NPFFR2: variants seen among roughly 807,000 people sequenced by gnomAD.
NPFFR2 encodes G-protein coupled receptor 74.
NPFFR2 carries 15 observed loss-of-function variants against 13.1 expected under a neutral mutation model. That is an observed-to-expected ratio of 1.15 (90% CI 0.77 to 1.76). The LOEUF (loss-of-function observed/expected upper bound fraction) is 1.76. NPFFR2 is among the 40% of genes most tolerant of loss of function. The pLI is 0.00. For missense variants in NPFFR2, 572 were observed against 503.5 expected, an observed-to-expected ratio of 1.14 and a Z score of -1.30; for synonymous variants, 190 against 175.7, an observed-to-expected ratio of 1.08 and a Z score of -0.65.
intron 1 of NPFFR2, among the ~76,000 whole-genome samples, chr4:72,124,202 C>G (rs1048881607): frequency 2.2e-4 from 34 of 152,128 alleles, no homozygotes; most frequent in African/African-American, 6.8e-4. Flanking sequence ...ATACAACTTA[C>G]AAGGTATGTG....
At chr4:72,034,228 T>G (rs1578413061) in intron 1 of NPFFR2, among the ~76,000 whole-genome samples, 1 of 152,330 alleles carries the variant, frequency 6.6e-6, no homozygotes, top group East Asian at 1.9e-4. Context: ...ATTAGTCTAT[T>G]CTCATGCTGC....
chr4:72,046,433 C>T (rs530788307), intron 1 of NPFFR2, among the ~76,000 whole-genome samples: 1 of 152,256 alleles, frequency 6.6e-6, no homozygotes, highest in South Asian at 2.1e-4. Flanking sequence ...CTCTCTGTCT[C>T]ACATGCTTGC....
chr4:72,138,772 T>C (rs1044840090), intron 3 of NPFFR2, among the ~76,000 whole-genome samples: 1 of 152,216 alleles, frequency 6.6e-6, no homozygotes, highest in Non-Finnish European at 1.5e-5. Context: ...TTTGGGTATA[T>C]ACCTAGTAAT....
chr4:72,080,266 G>A (rs956993556), intron 1 of NPFFR2, among the ~76,000 whole-genome samples: 6 of 151,936 alleles, frequency 3.9e-5, no homozygotes, highest in African/African-American at 1.4e-4. Flanking sequence ...CCGGGTTCAA[G>A]AAATTCTCCT....
At chr4:72,033,144 C>T (rs1718968738) in intron 1 of NPFFR2, among the ~76,000 whole-genome samples, 1 of 152,104 alleles carries the variant, frequency 6.6e-6, no homozygotes, top group African/African-American at 2.4e-5. Flanking sequence ...CTGTGAAGGA[C>T]ATATTTTTGT....
At position 72,147,428 on chromosome 4, in the gene NPFFR2, A is replaced by C. The variant is rs767608940; in HGVS notation, c.879A>C (p.Leu293=). ...FILSWLPLWT[L]MMLSDYADLS... is the part of the protein sequence containing the mutation. ...TCTCATGGCTGCCCCTGTGGACTCTAATGATGCTCTCAGACTACGCTGACC... is the reference window on the plus strand; with the variant it reads ...TCTCATGGCTGCCCCTGTGGACTCTCATGATGCTCTCAGACTACGCTGACC... The change falls in exon 4 of 4, where the codon CTA becomes CTC. Residue 293 remains leucine (L), a synonymous_variant. Coordinates refer to ENST00000308744, the MANE Select transcript of NPFFR2 (RefSeq NM_004885.3). 2 of 1,613,984 alleles carry C rather than the reference A, an allele frequency of 1.2e-6. No individual in the cohort carries two copies. The highest frequency in any genetic ancestry group is 1.7e-6 in the Non-Finnish European group (2 of 1,180,014).
intron 3 of NPFFR2, among the ~76,000 whole-genome samples, chr4:72,140,159 T>A (rs1722556976): frequency 6.6e-6 from 1 of 152,206 alleles, no homozygotes; most frequent in Non-Finnish European, 1.5e-5. Context: ...GATTTTGGGC[T>A]GAGATTATGG....
intron 1 of NPFFR2, among the ~76,000 whole-genome samples, chr4:72,096,086 C>T (rs1346256173): frequency 6.6e-6 from 1 of 152,168 alleles, no homozygotes; most frequent in Admixed American, 6.6e-5. Context: ...AATATAAAGT[C>T]TTTTTTCAAA....
rs557884916 is a variant in NPFFR2 at position 72,122,063 on chromosome 4, C to A, written c.-7-6522C>A. The stretch of plus-strand genomic sequence containing the variant: ...AATAAAGGGATGGAGGAATATTTAC[C>A]AGGCAAATGAAAAGCAAAAAAAAAA... On this transcript the variant is annotated intron_variant, in intron 1 of 3. Coordinates refer to ENST00000308744, the MANE Select transcript of NPFFR2 (RefSeq NM_004885.3). Among the ~76,000 whole-genome samples the A allele has an allele frequency of 3.0e-3, 447 of 150,850 alleles. 2 individuals carry two copies. The highest frequency in any genetic ancestry group is 0.011 in the African/African-American group (439 of 40,990).
intron 1 of NPFFR2, among the ~76,000 whole-genome samples, chr4:72,032,671 A>C (rs1027559483): frequency 1.3e-5 from 2 of 152,234 alleles, no homozygotes; most frequent in African/African-American, 4.8e-5. Context: ...AGCTGCGTAC[A>C]GGACACCAGA....
intron 2 of NPFFR2, among the ~76,000 whole-genome samples, chr4:72,129,768 C>A (rs1486342329): frequency 7.6e-5 from 1 of 13,242 alleles, no homozygotes; most frequent in Non-Finnish European, 1.5e-4. Context: ...CAGCACAGAC[C>A]CTTTACGGGT....
At chr4:72,040,520 G>T (rs897556914) in intron 1 of NPFFR2, among the ~76,000 whole-genome samples, 5 of 152,038 alleles carry the variant, frequency 3.3e-5, no homozygotes, top group African/African-American at 1.2e-4. Context: ...AAATTGCTTT[G>T]ATTATATTTG....
At chr4:72,121,066 G>A (rs748489012) in intron 1 of NPFFR2, among the ~76,000 whole-genome samples, 37 of 151,884 alleles carry the variant, frequency 2.4e-4, no homozygotes, top group African/African-American at 3.4e-4. Flanking sequence ...ATGACCTGAC[G>A]GAGCTGAAAA....
At chr4:72,095,305 T>C (rs1292631655) in intron 1 of NPFFR2, among the ~76,000 whole-genome samples, 1 of 152,186 alleles carries the variant, frequency 6.6e-6, no homozygotes, top group African/African-American at 2.4e-5. Flanking sequence ...GTCCCAGCTC[T>C]GTACCCAGGG....
intron 1 of NPFFR2, among the ~76,000 whole-genome samples, chr4:72,033,629 C>T (rs1180210817): frequency 6.6e-6 from 1 of 152,040 alleles, no homozygotes; most frequent in East Asian, 1.9e-4. Flanking sequence ...CTTATTTTTG[C>T]TTCATCTATC....
At chr4:72,122,855 G>A (rs1168651284) in intron 1 of NPFFR2, among the ~76,000 whole-genome samples, 1 of 152,106 alleles carries the variant, frequency 6.6e-6, no homozygotes, top group African/African-American at 2.4e-5. Context: ...AGAGAAGCAA[G>A]AGCAAACAAA....
In NPFFR2 at chr4:72,102,377, A is replaced by AATTTTT. The variant is rs541523672; in HGVS notation, c.-7-26205_-7-26204insTTTATT. Reference sequence around the variant, plus strand: ...AATATACAGGATGTATGAATGAGGAAATTATTATTATTATTATACTTTAAG... The same window carrying AATTTTT: ...AATATACAGGATGTATGAATGAGGAAATTTTTATTATTATTATTATTATACTTTAAG... On this transcript the variant is annotated intron_variant, in intron 1 of 3. Coordinates refer to ENST00000308744, the MANE Select transcript of NPFFR2 (RefSeq NM_004885.3). Among the ~76,000 whole-genome samples, 696 of 151,910 alleles carry AATTTTT rather than the reference A, an allele frequency of 4.6e-3. 3 individuals are homozygous for AATTTTT. The highest frequency in any genetic ancestry group is 0.016 in the African/African-American group (666 of 41,458).
At chr4:72,056,788 G>A (rs1463857274) in intron 1 of NPFFR2, among the ~76,000 whole-genome samples, 1 of 151,990 alleles carries the variant, frequency 6.6e-6, no homozygotes, top group Non-Finnish European at 1.5e-5. Flanking sequence ...GACTTCAGTG[G>A]AGGAAGTAAC....
intron 1 of NPFFR2, among the ~76,000 whole-genome samples, chr4:72,044,315 G>A (rs1177867908): frequency 1.3e-5 from 2 of 152,126 alleles, no homozygotes; most frequent in African/African-American, 4.8e-5. Context: ...TTGTCTTCCA[G>A]GATTTTTATA....
Sources: gnomAD v4.1 joint callset for allele counts (sites outside exome capture counted in the v4.1 genomes callset) on GRCh38, gnomAD v4.1.1 for gene constraint, MANE v1.5 for transcripts, NCBI Gene and HGNC (gene_info 2026-07-23, HGNC 2026-07-21) for gene names.